ADAMTS9: variants seen among roughly 807,000 people sequenced by gnomAD.
ADAMTS9 encodes A disintegrin and metalloproteinase with thrombospondin motifs 9.
ADAMTS9 carries 107 observed loss-of-function variants against 257.1 expected under a neutral mutation model. The observed-to-expected ratio is 0.42, with a 90% CI of 0.36 to 0.49. The LOEUF is 0.49. Ranked by LOEUF, ADAMTS9 falls within the 20% of genes least tolerant of loss-of-function variation. The probability of loss-of-function intolerance (pLI) is 0.03; values close to 1 mark genes in which losing one functional copy is unlikely to be tolerated. For synonymous variants in ADAMTS9, 982 were observed against 880.9 expected (o/e 1.11, Z -2.03); for missense variants, 2,353 against 2,469.1 (o/e 0.95, Z 1.00).
chr3:64,624,593 G>T (rs1700184235), intron 16 of ADAMTS9, among the ~76,000 whole-genome samples: 3 of 152,136 alleles, frequency 2.0e-5, no homozygotes, highest in South Asian at 2.1e-4. Context: ...TAAATCTCTA[G>T]AAAGCTTTTC....
intron 28 of ADAMTS9, among the ~76,000 whole-genome samples, chr3:64,576,158 AAGGAG>A (rs1256301724): frequency 3.3e-5 from 5 of 152,202 alleles, no homozygotes; most frequent in Admixed American, 1.3e-4. Context: ...TCACCAGAGT[AAGGAG>A]AGGAAAGATG....
At chr3:64,550,756 A>G in intron 31 of ADAMTS9, 136 bp downstream of exon 31, 1 of 1,074,822 alleles carries the variant, frequency 9.3e-7, no homozygotes, top group Non-Finnish European at 1.3e-6. Context: ...CTTGTCAGAA[A>G]ACACACAGTT....
At chr3:64,661,843 A>G (rs1051584026) in intron 3 of ADAMTS9, among the ~76,000 whole-genome samples, 2 of 152,126 alleles carry the variant, frequency 1.3e-5, no homozygotes, top group Non-Finnish European at 2.9e-5. Context: ...AAATATTACA[A>G]TTTGATTTAT....
intron 29 of ADAMTS9, among the ~76,000 whole-genome samples, chr3:64,566,093 A>G (rs2083539249): frequency 6.6e-6 from 1 of 152,228 alleles, no homozygotes; most frequent in African/African-American, 2.4e-5. Flanking sequence ...ACTAGGCTGT[A>G]ACTACCAGCA....
chr3:64,630,457 A>G (rs1245849507), intron 16 of ADAMTS9, among the ~76,000 whole-genome samples: 2 of 152,198 alleles, frequency 1.3e-5, no homozygotes, highest in Non-Finnish European at 2.9e-5. Flanking sequence ...GTGAGTGCCT[A>G]TAGTCCCAGC....
At chr3:64,527,016 G>T (rs2082918765) in intron 38 of ADAMTS9, among the ~76,000 whole-genome samples, 2 of 152,048 alleles carry the variant, frequency 1.3e-5, no homozygotes, top group South Asian at 4.1e-4. Flanking sequence ...CCTTAAGTGG[G>T]ATTCCATTAT....
chr3:64,644,197 T>C (rs1223350774), intron 11 of ADAMTS9, among the ~76,000 whole-genome samples: 2 of 152,218 alleles, frequency 1.3e-5, no homozygotes, highest in South Asian at 2.1e-4. Flanking sequence ...CTAAGCATTA[T>C]ATATACAAAC....
At chr3:64,619,456 T>C (rs1007268909) in intron 19 of ADAMTS9, among the ~76,000 whole-genome samples, 5 of 152,150 alleles carry the variant, frequency 3.3e-5, no homozygotes, top group African/African-American at 1.2e-4. Flanking sequence ...GATTTAGATT[T>C]CCGTCACTCC....
intron 2 of ADAMTS9, 22 bp from the exon 3 acceptor site, chr3:64,681,385 A>T: frequency 6.3e-7 from 1 of 1,595,396 alleles, no homozygotes; most frequent in Non-Finnish European, 8.5e-7. Flanking sequence ...GAGAGATGGG[A>T]GGTTGATTTA....
At chr3:64,612,858 T>A (rs1453952244) in intron 22 of ADAMTS9, among the ~76,000 whole-genome samples, 1 of 151,964 alleles carries the variant, frequency 6.6e-6, no homozygotes. Context: ...AGCATGAGGG[T>A]TTTGCAACCT....
intron 28 of ADAMTS9, among the ~76,000 whole-genome samples, chr3:64,579,627 T>TA (rs34260765): frequency 6.6e-6 from 1 of 152,184 alleles, no homozygotes; most frequent in Non-Finnish European, 1.5e-5. Flanking sequence ...ACCTGGTTTA[T>TA]AAAAAACACT....
intron 32 of ADAMTS9, among the ~76,000 whole-genome samples, chr3:64,544,864 A>C (rs1462891795): frequency 6.6e-6 from 1 of 152,226 alleles, no homozygotes. Context: ...CAATCTACCC[A>C]TCTGACAAAG....
At position 64,648,032 on chromosome 3, in the gene ADAMTS9, G is replaced by C; in HGVS notation, c.1618C>G (p.Arg540Gly). Residue 540 changes from arginine (R) to glycine (G), a missense_variant, in exon 11 of 40, where the codon CGG becomes GGG. Arg to Gly is a moderately radical substitution (Grantham distance 125). Around this residue, in one of 3 missense-constraint regions of ADAMTS9, gnomAD observed 360 missense variants for 458.1 expected, o/e 0.79. Transcript: ENST00000498707. The stretch of plus-strand genomic sequence containing the variant: ...CCATTGACGTTATTGCACCAGAGCC[G>C]TCTGCACTGCATCTGCTCAATTCAA... ...QVCPYMMQCRRLWCNNVNGVH... is the reference protein window; with the variant it reads ...QVCPYMMQCRGLWCNNVNGVH... 6.2e-7 allele frequency: 1 copy of C among 1,611,936 alleles called. No individual in the cohort carries two copies. The highest frequency in any genetic ancestry group is 8.5e-7 in the Non-Finnish European group (1 of 1,179,638).
At chr3:64,683,023 T>C (rs1270744664) in intron 2 of ADAMTS9, among the ~76,000 whole-genome samples, 4 of 152,212 alleles carry the variant, frequency 2.6e-5, no homozygotes, top group Non-Finnish European at 5.9e-5. Context: ...AGCCCCTGGT[T>C]TAAGAAAAGG....
chr3:64,540,535 T>C (rs1266243976), intron 36 of ADAMTS9, among the ~76,000 whole-genome samples: 1 of 152,210 alleles, frequency 6.6e-6, no homozygotes, highest in East Asian at 1.9e-4. Context: ...GTTTTACGTC[T>C]GTGTAAGCAT....
intron 3 of ADAMTS9, among the ~76,000 whole-genome samples, chr3:64,669,049 G>A (rs1334759066): frequency 6.6e-6 from 1 of 152,168 alleles, no homozygotes; most frequent in Non-Finnish European, 1.5e-5. Context: ...GGGGCATGCT[G>A]TGCTCCAATG....
rs74534712 is a variant in ADAMTS9 at position 64,541,825 on chromosome 3, T to G, written c.5197+13A>C. On this transcript the variant is annotated intron_variant, in intron 33 of 39. Coordinates refer to ENST00000498707, the MANE Select transcript of ADAMTS9 (RefSeq NM_182920.2). ...TCATGCTAAAGAAAGATAACTTCAG[T>G]TGGCCAACTTACAGTTATAGACATT... The G allele has an allele frequency of 5.0e-6, 8 of 1,614,032 alleles. No individual in the cohort carries two copies. Among genetic ancestry groups the G allele is most frequent in the Non-Finnish European group, 5.1e-6 (6 of 1,179,990 alleles).
At position 64,617,239 on chromosome 3, in the gene ADAMTS9, C is replaced by G. The variant is rs73122249; in HGVS notation, c.2814-1069G>C. Among the ~76,000 whole-genome samples the G allele has an allele frequency of 3.1e-3, 478 of 152,246 alleles. 2 individuals carry two copies. The highest frequency in any genetic ancestry group is 0.019 in the South Asian group (90 of 4,820). On this transcript the variant is annotated intron_variant, in intron 19 of 39. Coordinates refer to ENST00000498707, the MANE Select transcript of ADAMTS9 (RefSeq NM_182920.2). ...AGAAGCATCTGGAACTTTCATCTGC[C>G]CTTTGATTCTTGGCTACCTTCTCTT...
chr3:64,532,885 T>C (rs960434487), intron 38 of ADAMTS9, among the ~76,000 whole-genome samples: 4 of 152,210 alleles, frequency 2.6e-5, no homozygotes, highest in Non-Finnish European at 4.4e-5. Flanking sequence ...TTCTTCCTGC[T>C]TTTACCTCCC....
Sources: gnomAD v4.1 joint callset for allele counts (sites outside exome capture counted in the v4.1 genomes callset) on GRCh38, gnomAD v4.1.1 for gene constraint, gnomAD v4.1.1 regional missense constraint, MANE v1.5 for transcripts, NCBI Gene and HGNC (gene_info 2026-07-23, HGNC 2026-07-21) for gene names.